RDX: variants seen among roughly 807,000 people sequenced by gnomAD.
RDX encodes the protein radixin.
A neutral mutation model predicts 83.7 loss-of-function variants in RDX; 32 were observed. The ratio of observed to expected loss-of-function variants is 0.38; its 90% CI spans 0.29 to 0.51. The LOEUF (loss-of-function observed/expected upper bound fraction) is 0.51. Among genes scored for constraint, RDX ranks in the 20% least tolerant of loss-of-function variants. RDX has a pLI of 0.87. For synonymous variants in RDX, 229 were observed against 222.7 expected, an observed-to-expected ratio of 1.03 and a Z score of -0.25; for missense variants, 600 against 689.9, an observed-to-expected ratio of 0.87 and a Z score of 1.46.
At chr11:110,293,370 A>G (rs1861321306) in intron 1 of RDX, among the ~76,000 whole-genome samples, 1 of 152,188 alleles carries the variant, frequency 6.6e-6, no homozygotes, top group Admixed American at 6.5e-5. Flanking sequence ...GCCATAAAAT[A>G]TATCACTTTT....
At chr11:110,274,213 C>T (rs935424845) in intron 2 of RDX, among the ~76,000 whole-genome samples, 9 of 151,992 alleles carry the variant, frequency 5.9e-5, no homozygotes, top group East Asian at 1.9e-4. Context: ...AATAATAAAA[C>T]GAAACCCATA....
In RDX at chr11:110,245,335, A is replaced by G. The variant is rs140273119; in HGVS notation, c.1090+2368T>C. On this transcript the variant is annotated intron_variant, in intron 10 of 13. Transcript: ENST00000645495. ...TAATCCCAGCACTTTGGGAGGCCAA[A>G]TGCAGGAGAATCACTTGAGCCCAGG... Among the ~76,000 whole-genome samples, 1,415 of 152,276 alleles carry G rather than the reference A, an allele frequency of 9.3e-3. 7 individuals carry two copies. The highest frequency in any genetic ancestry group is 0.012 in the Non-Finnish European group (830 of 68,004).
chr11:110,209,037 C>T (rs1024444582), intron 14 of RDX, among the ~76,000 whole-genome samples: 2 of 152,204 alleles, frequency 1.3e-5, no homozygotes, highest in Non-Finnish European at 2.9e-5. Flanking sequence ...GCGTGAGCGA[C>T]GCAGAAGACG....
At chr11:110,236,699 C>T (rs1168488393) in intron 11 of RDX, 1 of 159,610 alleles carries the variant, frequency 6.3e-6, no homozygotes, top group South Asian at 1.8e-4. Context: ...CAGCTCACCG[C>T]AACCTCCGCC....
intron 10 of RDX, among the ~76,000 whole-genome samples, chr11:110,239,571 T>A (rs564890878): frequency 5.9e-5 from 9 of 152,130 alleles, no homozygotes; most frequent in African/African-American, 1.9e-4. Context: ...AAAAGCTATA[T>A]GAAAAAAATG....
chr11:110,199,435 C>T lies in RDX; in HGVS notation c.*31+146G>A, dbSNP rs1863318919. On this transcript the variant is annotated intron_variant, in intron 15 of 15. Coordinates refer to the RDX transcript ENST00000528498. ...TGTAAAGATAGAGGTTGCTCTTGGT[C>T]AGTTCCTTTGACTTGAAATCCACAG... is the stretch of plus-strand genomic sequence containing the variant. 4.9e-6 allele frequency: 3 copies of T among 609,896 alleles called. No individual in the cohort carries two copies. The East Asian group carries it at 8.3e-5, about 17-fold the overall frequency. The allele number at this position is 609,896 out of a possible 1,614,324, so 37.8% of individuals were successfully genotyped here. A position where few individuals can be genotyped will look rare whatever the true frequency, so the allele number is the denominator to read the frequency against.
Position 110,272,759 on chromosome 11 carries a change from T to C in RDX, c.13-140A>G, listed in dbSNP as rs1056838867. ...AAATCTATTTGAAAAACAAAGAGCT[T>C]ATAAAGTCCTCATTTAGGAACATCT... On this transcript the variant is annotated intron_variant, in intron 2 of 13. Coordinates refer to ENST00000645495, the MANE Select transcript of RDX (RefSeq NM_002906.4). The C allele has an allele frequency of 6.3e-5, 42 of 671,110 alleles. No individual in the cohort carries two copies. The Admixed American group carries it at 7.5e-4, about 12-fold the overall frequency. The allele number at this position is 671,110 out of a possible 1,614,324, so 41.6% of individuals were successfully genotyped here.
chr11:110,235,757 T>C (rs1864820464), intron 12 of RDX, among the ~76,000 whole-genome samples: 1 of 152,234 alleles, frequency 6.6e-6, no homozygotes, highest in African/African-American at 2.4e-5. Flanking sequence ...CCTATACTCA[T>C]TCAGTTCCCT....
chr11:110,242,316 G>A (rs979425646), intron 10 of RDX, among the ~76,000 whole-genome samples: 1 of 151,854 alleles, frequency 6.6e-6, no homozygotes, highest in African/African-American at 2.4e-5. Context: ...AGCCAGACAT[G>A]GTGGCAGCCA....
At chr11:110,295,672 C>G (rs1357415823) in intron 1 of RDX, among the ~76,000 whole-genome samples, 5 of 150,260 alleles carry the variant, frequency 3.3e-5, no homozygotes, top group Non-Finnish European at 7.4e-5. Context: ...AATGCACTGC[C>G]CCCTTTCAAA....
chr11:110,190,754 G>T (rs953853458), intron 15 of RDX, among the ~76,000 whole-genome samples: 3 of 152,090 alleles, frequency 2.0e-5, no homozygotes, highest in Admixed American at 6.5e-5. Context: ...AATGAGAAAG[G>T]TGACATTACA....
At position 110,255,369 on chromosome 11, in the gene RDX, C is replaced by A; in HGVS notation, c.715G>T (p.Gly239Cys). 6.4e-7 allele frequency: 1 copy of A among 1,553,374 alleles called. No homozygotes were observed. The highest frequency in any genetic ancestry group is 8.9e-7 in the Non-Finnish European group (1 of 1,125,460). Residue 239 changes from glycine to cysteine, a missense_variant, in exon 8 of 14, where the codon GGT becomes TGT. By Grantham distance (159) the Gly-to-Cys change is radical (BLOSUM62 -3). Coordinates refer to ENST00000645495, the MANE Select transcript of RDX (RefSeq NM_002906.4). ...EHDDKLTPKI[G>C]FPWSEIRNIS... ...TTTCTGATTTCACTCCAGGGAAAAC[C>A]AATTTTAGGTGTTAACCTTAAAAAA... is the stretch of plus-strand genomic sequence containing the variant.
chr11:110,237,823 C>T, intron 10 of RDX, 171 bp from the exon 11 acceptor site: 2 of 779,944 alleles, frequency 2.6e-6, no homozygotes, highest in Non-Finnish European at 4.3e-6. Context: ...CGCTCTGTTG[C>T]CCAGGCTGAA....
At chr11:110,242,426 CTT>C (rs1865135137) in intron 10 of RDX, among the ~76,000 whole-genome samples, 1 of 144,484 alleles carries the variant, frequency 6.9e-6, no homozygotes. Flanking sequence ...AAGAGCAAGA[CTT>C]TGTCTCAAAA....
At chr11:110,211,969 A>G (rs1453328954) in intron 14 of RDX, among the ~76,000 whole-genome samples, 3 of 142,556 alleles carry the variant, frequency 2.1e-5, no homozygotes, top group Non-Finnish European at 4.6e-5. Flanking sequence ...GCAGAAGGCA[A>G]GAAATAACTA....
At chr11:110,289,464 A>G (rs913527745) in intron 1 of RDX, among the ~76,000 whole-genome samples, 7 of 152,154 alleles carry the variant, frequency 4.6e-5, no homozygotes, top group Non-Finnish European at 1.0e-4. Flanking sequence ...TGAATAGCCA[A>G]ACTAAGTTTT....
Position 110,230,566 on chromosome 11 carries a change from TACAC to T in RDX, c.*1299_*1302del, listed in dbSNP as rs1268994889. Reference sequence around the variant, plus strand: ...ACAAGGTTAGCATTTCTCTCTCTCATACACACACAGAGTACACACACACACACAC... The same window carrying T: ...ACAAGGTTAGCATTTCTCTCTCTCATACACAGAGTACACACACACACACAC... On this transcript the variant is annotated 3_prime_UTR_variant, in exon 14 of 14. Coordinates refer to ENST00000645495, the MANE Select transcript of RDX (RefSeq NM_002906.4). 2.7e-5 allele frequency: 3 copies of T among 109,594 alleles called. No homozygotes were observed. Among genetic ancestry groups the T allele is most frequent in the East Asian group, 2.8e-4 (1 of 3,632 alleles). The allele number at this position is 109,594 out of a possible 1,614,324, so 6.8% of individuals were successfully genotyped here. A position where few individuals can be genotyped will look rare whatever the true frequency, so the allele number is the denominator to read the frequency against.
chr11:110,239,535 A>G (rs543402762), intron 10 of RDX, among the ~76,000 whole-genome samples: 3 of 152,358 alleles, frequency 2.0e-5, no homozygotes, highest in African/African-American at 7.2e-5. Context: ...CTGAACTGAC[A>G]TTTCTCAAAA....
At chr11:110,258,528 G>A (rs1176359620) in intron 5 of RDX, among the ~76,000 whole-genome samples, 1 of 152,002 alleles carries the variant, frequency 6.6e-6, no homozygotes, top group Non-Finnish European at 1.5e-5. Flanking sequence ...TTATCTCAAA[G>A]TTAAGTGTCT....
Sources: allele counts gnomAD v4.1 joint callset (sites outside exome capture counted in the v4.1 genomes callset), GRCh38; gene constraint gnomAD v4.1.1; transcripts MANE v1.5; gene names NCBI Gene and HGNC (gene_info 2026-07-23, HGNC 2026-07-21).